Variants in CNIH3 observed in about 807,000 individuals in gnomAD.
CNIH3 encodes the protein cornichon family AMPA receptor auxiliary protein 3, also known as protein cornichon homolog 3.
CNIH3 carries 14 observed loss-of-function variants against 24.1 expected under a neutral mutation model. The ratio of observed to expected loss-of-function variants is 0.58; its 90% confidence interval spans 0.38 to 0.91. The LOEUF (loss-of-function observed/expected upper bound fraction) is 0.91, where lower values mean the gene tolerates loss of function less well. Among genes scored for constraint, CNIH3 ranks in the 40% least tolerant of loss-of-function variants. The pLI, the probability that CNIH3 is intolerant of heterozygous loss-of-function variation, is 0.00. For synonymous variants in CNIH3, 68 were observed against 73.8 expected (o/e 0.92, Z 0.40); for missense variants, 178 against 196.8 (o/e 0.90, Z 0.57).
chr1:224,460,150 C>G (rs908680574), intron 1 of CNIH3, among the ~76,000 whole-genome samples: 1 of 151,986 alleles, frequency 6.6e-6, no homozygotes, highest in African/African-American at 2.4e-5. Flanking sequence ...CGTCGGCCTC[C>G]CAGGGTGCTA....
intron 1 of CNIH3, among the ~76,000 whole-genome samples, chr1:224,475,388 C>CA (rs959288375): frequency 1.8e-4 from 27 of 150,570 alleles, no homozygotes; most frequent in Admixed American, 4.6e-4. Context: ...AAAAGAAAAT[C>CA]AGAGATGACA....
intron 3 of CNIH3, among the ~76,000 whole-genome samples, chr1:224,710,000 T>C (rs1318534212): frequency 6.6e-6 from 1 of 152,190 alleles, no homozygotes; most frequent in Non-Finnish European, 1.5e-5. Flanking sequence ...TCTTTATTAT[T>C]AATAACTAAT....
intron 2 of CNIH3, among the ~76,000 whole-genome samples, chr1:224,543,763 A>C (rs1250403185): frequency 6.6e-6 from 1 of 152,148 alleles, no homozygotes; most frequent in Non-Finnish European, 1.5e-5. Flanking sequence ...TTCCAGGATG[A>C]CATTTCTTCT....
intron 1 of CNIH3, among the ~76,000 whole-genome samples, chr1:224,645,249 C>T (rs1028764830): frequency 6.6e-6 from 1 of 152,340 alleles, no homozygotes. Context: ...TGCTCTGCCC[C>T]CTCTCTCCTA....
In CNIH3 at chr1:224,578,115, A is replaced by G. The variant is rs370761322; in HGVS notation, n.517-5049A>G. ...GACCAAAATCTCAGAAATCACTACT[A>G]AAGAACTTTTCCATGCACCCAGACA... On this transcript the variant is annotated intron_variant and non_coding_transcript_variant, in intron 4 of 5. Coordinates refer to the CNIH3 transcript ENST00000471578. Among the ~76,000 whole-genome samples the G allele has an allele frequency of 2.0e-5, 3 of 152,136 alleles. No individual in the cohort carries two copies. The East Asian group carries it at 5.8e-4, about 29-fold the overall frequency.
intron 3 of CNIH3, among the ~76,000 whole-genome samples, chr1:224,597,117 A>C (rs944307975): frequency 2.6e-5 from 4 of 152,004 alleles, no homozygotes; most frequent in African/African-American, 9.7e-5. Context: ...GCACCATTGC[A>C]CTCCAGCCTG....
intron 1 of CNIH3, among the ~76,000 whole-genome samples, chr1:224,488,340 TC>T (rs1346235945): frequency 1.1e-4 from 17 of 152,126 alleles, no homozygotes; most frequent in African/African-American, 4.1e-4. Flanking sequence ...CAATTTTTTT[TC>T]CCATCTTTTT....
At chr1:224,651,384 A>G (rs1406249376) in intron 1 of CNIH3, among the ~76,000 whole-genome samples, 1 of 152,180 alleles carries the variant, frequency 6.6e-6, no homozygotes, top group Non-Finnish European at 1.5e-5. Flanking sequence ...TACATAGTTG[A>G]TAAGGGATTA....
At chr1:224,728,043 G>C (rs1050544207) in intron 3 of CNIH3, among the ~76,000 whole-genome samples, 10 of 152,182 alleles carry the variant, frequency 6.6e-5, no homozygotes, top group African/African-American at 2.4e-4. Context: ...AGAAGAAGCA[G>C]TGGTGATTAA....
At chr1:224,563,347 G>C (rs1383822579) in intron 3 of CNIH3, among the ~76,000 whole-genome samples, 3 of 152,248 alleles carry the variant, frequency 2.0e-5, no homozygotes, top group South Asian at 2.1e-4. Flanking sequence ...TCGTATCACT[G>C]TCAGAGAAGG....
chr1:224,538,055 A>G (rs1010990302), downstream of CNIH3, among the ~76,000 whole-genome samples: 1 of 151,918 alleles, frequency 6.6e-6, no homozygotes. Context: ...GGTTCCAGCA[A>G]TTCTCCTGCC....
intron 3 of CNIH3, chr1:224,565,547 T>C (rs1268203279): frequency 6.6e-6 from 1 of 152,476 alleles, no homozygotes; most frequent in Non-Finnish European, 1.5e-5. Flanking sequence ...CTGTACCCCA[T>C]GCTTGCTCCC....
At chr1:224,490,224 G>A (rs533157250) in intron 1 of CNIH3, among the ~76,000 whole-genome samples, 61 of 152,274 alleles carry the variant, frequency 4.0e-4, no homozygotes, top group African/African-American at 1.1e-3. Flanking sequence ...GTGGAAAACC[G>A]GTGTTTTTCT....
chr1:224,718,134 G>A (rs554814977), intron 3 of CNIH3, among the ~76,000 whole-genome samples: 1 of 152,070 alleles, frequency 6.6e-6, no homozygotes, highest in East Asian at 1.9e-4. Flanking sequence ...GTAAACAAAC[G>A]CACAATAGGT....
At chr1:224,536,409 A>G (rs979123878) in intron 2 of CNIH3, among the ~76,000 whole-genome samples, 3 of 148,072 alleles carry the variant, frequency 2.0e-5, no homozygotes, top group African/African-American at 7.6e-5. Context: ...CTCCTGCCTC[A>G]GCCTCCTGAG....
chr1:224,721,354 A>C (rs1194978562), intron 3 of CNIH3, among the ~76,000 whole-genome samples: 1 of 151,710 alleles, frequency 6.6e-6, no homozygotes, highest in African/African-American at 2.4e-5. Context: ...TTGCCTGATC[A>C]CTCCCTATAG....
intron 1 of CNIH3, among the ~76,000 whole-genome samples, chr1:224,452,150 G>A (rs945157053): frequency 2.9e-5 from 3 of 104,884 alleles, no homozygotes; most frequent in Non-Finnish European, 6.0e-5. Context: ...CTTTACCAAT[G>A]TCTTTTTTTT....
chr1:224,680,575 A>G (rs1313684275), intron 1 of CNIH3, among the ~76,000 whole-genome samples: 1 of 152,188 alleles, frequency 6.6e-6, no homozygotes, highest in Non-Finnish European at 1.5e-5. Context: ...TTTTCTGCCC[A>G]AATACACACA....
chr1:224,558,120 A>G (rs571527015), intron 3 of CNIH3, among the ~76,000 whole-genome samples: 1 of 152,178 alleles, frequency 6.6e-6, no homozygotes, highest in East Asian at 1.9e-4. Flanking sequence ...GCCTGGAGTC[A>G]CTCATGTGGC....
Sources: allele counts gnomAD v4.1 joint callset (sites outside exome capture counted in the v4.1 genomes callset), GRCh38; gene constraint gnomAD v4.1.1; transcripts MANE v1.5; gene names NCBI Gene and HGNC (gene_info 2026-07-23, HGNC 2026-07-21).